The following EIF4E3 variants were observed in gnomAD, a reference collection of about 807,000 sequenced individuals.
The protein encoded by EIF4E3 is eukaryotic translation initiation factor 4E type 3.
Under a neutral mutation model 31.7 loss-of-function variants are expected in EIF4E3, and 26 were observed. That is an observed-to-expected ratio of 0.82 (90% confidence interval 0.60 to 1.14). The LOEUF is 1.14. Ranked by LOEUF, EIF4E3 falls within the 50% of genes most tolerant of loss-of-function variation. The probability of loss-of-function intolerance (pLI) is 0.00; values close to 1 mark genes in which losing one functional copy is unlikely to be tolerated. For synonymous variants in EIF4E3, 128 were observed against 107.7 expected (o/e 1.19, Z -1.17); for missense variants, 304 against 270.9 (o/e 1.12, Z -0.86).
At chr3:71,746,796 C>T (rs2049877616) in intron 1 of EIF4E3, among the ~76,000 whole-genome samples, 1 of 152,192 alleles carries the variant, frequency 6.6e-6, no homozygotes, top group Admixed American at 6.5e-5. Flanking sequence ...CCAATCCTTT[C>T]CCCCAGCTCC....
chr3:71,664,731 T>C, the EIF4E3 span, among the ~76,000 whole-genome samples: 1 of 152,002 alleles, frequency 6.6e-6, no homozygotes, highest in Non-Finnish European at 1.5e-5. Flanking sequence ...AAAAAGTAGC[T>C]GGGTGTGGTG....
intron 1 of EIF4E3, among the ~76,000 whole-genome samples, chr3:71,749,099 C>G (rs1328876331): frequency 1.3e-5 from 2 of 152,212 alleles, no homozygotes; most frequent in African/African-American, 2.4e-5. Flanking sequence ...TTATTGCACA[C>G]GACTTGTGTG....
intron 1 of EIF4E3, among the ~76,000 whole-genome samples, chr3:71,742,535 C>T (rs2049830768): frequency 6.6e-6 from 1 of 151,912 alleles, no homozygotes; most frequent in African/African-American, 2.4e-5. Flanking sequence ...AATACTTTTA[C>T]AAGTAAATTC....
rs139590421 is a variant in EIF4E3 at position 71,678,691 on chromosome 3, G to C, written c.*5991C>G. 63 of 152,244 alleles carry C rather than the reference G, an allele frequency of 4.1e-4. No individual in the cohort carries two copies. Among genetic ancestry groups the C allele is most frequent in the African/African-American group, 1.3e-3 (56 of 41,550 alleles). 9.4% of individuals were successfully genotyped at this position (152,244 alleles called of 1,614,324 possible). Reference sequence around the variant, plus strand: ...ATTACACCAGCTTGTAGCCAGATGTGAAAGGGTCCCCAACTGCACAGGGCA... The same window carrying C: ...ATTACACCAGCTTGTAGCCAGATGTCAAAGGGTCCCCAACTGCACAGGGCA... On this transcript the variant is annotated 3_prime_UTR_variant, in exon 7 of 7. Transcript: ENST00000425534.
chr3:71,692,838 T>TCC (rs1041274214), intron 5 of EIF4E3, among the ~76,000 whole-genome samples: 4 of 152,126 alleles, frequency 2.6e-5, no homozygotes, highest in African/African-American at 9.7e-5. Flanking sequence ...CAAGTGATCC[T>TCC]CCCATCTTGG....
At chr3:71,720,473 G>A (rs1011499542) in intron 1 of EIF4E3, among the ~76,000 whole-genome samples, 2 of 152,028 alleles carry the variant, frequency 1.3e-5, no homozygotes, top group East Asian at 1.9e-4. Context: ...GTGATTGCAC[G>A]GATGAACCAC....
chr3:71,694,310 T>G (rs1164502216), intron 4 of EIF4E3, among the ~76,000 whole-genome samples: 1 of 152,258 alleles, frequency 6.6e-6, no homozygotes, highest in Non-Finnish European at 1.5e-5. Context: ...ATGTGGATGC[T>G]ATTAGTAAAA....
At chr3:71,711,528 C>T (rs1017598399) in intron 1 of EIF4E3, among the ~76,000 whole-genome samples, 2 of 152,188 alleles carry the variant, frequency 1.3e-5, no homozygotes, top group Non-Finnish European at 2.9e-5. Context: ...TGGACAGTTG[C>T]TAAAACACTG....
At chr3:71,694,522 G>C (rs2049107688) in intron 4 of EIF4E3, among the ~76,000 whole-genome samples, 1 of 151,988 alleles carries the variant, frequency 6.6e-6, no homozygotes, top group Admixed American at 6.6e-5. Flanking sequence ...GGAAGATTCA[G>C]TGCACGCTCC....
upstream of EIF4E3, among the ~76,000 whole-genome samples, chr3:71,725,943 G>T (rs1320597865): frequency 6.6e-6 from 1 of 152,180 alleles, no homozygotes; most frequent in African/African-American, 2.4e-5. This position sits in a 1 kb window ranked among gnomAD's most constrained non-coding sequence, Gnocchi z 6.1. Context: ...AGTTGGGTGT[G>T]ACAGATAAAT....
At chr3:71,705,693 G>A (rs1021690086) in intron 2 of EIF4E3, among the ~76,000 whole-genome samples, 7 of 152,222 alleles carry the variant, frequency 4.6e-5, no homozygotes, top group Non-Finnish European at 1.0e-4. Context: ...AGATAAGGCT[G>A]AAAGAAACTG....
chr3:71,740,553 G>A (rs2049809353), intron 1 of EIF4E3, among the ~76,000 whole-genome samples: 1 of 152,134 alleles, frequency 6.6e-6, no homozygotes, highest in Non-Finnish European at 1.5e-5. Context: ...GGGCAACATG[G>A]CAAAACACCA....
At chr3:71,666,947 A>G in the EIF4E3 span, among the ~76,000 whole-genome samples, 1 of 152,070 alleles carries the variant, frequency 6.6e-6, no homozygotes, top group Non-Finnish European at 1.5e-5. Context: ...TCAAAAAAAA[A>G]GAAAAAAGAA....
At chr3:71,740,600 G>A (rs1315448853) in intron 1 of EIF4E3, among the ~76,000 whole-genome samples, 1 of 152,152 alleles carries the variant, frequency 6.6e-6, no homozygotes, top group African/African-American at 2.4e-5. Context: ...CGGGCATGGT[G>A]GTGTGCACCT....
downstream of EIF4E3, among the ~76,000 whole-genome samples, chr3:71,670,813 A>G (rs59243721): frequency 0.14 from 20,756 of 152,146 alleles, 1,772 homozygotes; most frequent in African/African-American, 0.25. Flanking sequence ...GTCTCATTTA[A>G]TCTTCACACT....
rs2048881268 is a variant in EIF4E3 at position 71,677,238 on chromosome 3, CAT to C, written c.*7442_*7443del. ...GGGAAATAGAAACATATTTTAATGA[CAT>C]ATATTTTAACTTGCTGGCCCTTGCA... On this transcript the variant is annotated 3_prime_UTR_variant, in exon 7 of 7. Coordinates refer to ENST00000425534, the MANE Select transcript of EIF4E3 (RefSeq NM_001134651.2). 6.6e-6 allele frequency: 1 copy of C among 152,206 alleles called. No homozygotes were observed. The highest frequency in any genetic ancestry group is 2.1e-4 in the South Asian group (1 of 4,834). The allele number at this position is 152,206 out of a possible 1,614,324, so 9.4% of individuals were successfully genotyped here.
chr3:71,710,297 A>T (rs1391258910), intron 2 of EIF4E3, 115 bp downstream of exon 2: 35 of 1,209,732 alleles, frequency 2.9e-5, no homozygotes, highest in African/African-American at 4.5e-5. Flanking sequence ...CCGAGAGCCA[A>T]CTCCAGAGCA....
chr3:71,705,854 T>C (rs1431183518), intron 2 of EIF4E3, among the ~76,000 whole-genome samples: 1 of 152,186 alleles, frequency 6.6e-6, no homozygotes, highest in Non-Finnish European at 1.5e-5. Flanking sequence ...ACTCGAACTC[T>C]TGGGCTCACG....
At chr3:71,717,382 C>T (rs566655498) in intron 1 of EIF4E3, among the ~76,000 whole-genome samples, 27 of 152,252 alleles carry the variant, frequency 1.8e-4, no homozygotes, top group African/African-American at 6.3e-4. Flanking sequence ...TTGTCACAAG[C>T]GCATTTGTCA....
Sources: allele counts gnomAD v4.1 joint callset (sites outside exome capture counted in the v4.1 genomes callset), GRCh38; gene constraint gnomAD v4.1.1; non-coding constraint Gnocchi (gnomAD v3.1); transcripts MANE v1.5; gene names NCBI Gene and HGNC (gene_info 2026-07-23, HGNC 2026-07-21).